The following LUZP2 variants were observed in gnomAD, a reference collection of about 807,000 sequenced individuals.
LUZP2 encodes the protein leucine zipper protein 2.
LUZP2 carries 52 observed loss-of-function variants against 51.6 expected under a neutral mutation model. The observed-to-expected ratio is 1.01, with a 90% CI of 0.81 to 1.27. LUZP2 has a LOEUF of 1.27. LUZP2 is among the 50% of genes most tolerant of loss of function. LUZP2 has a pLI of 0.00. For missense variants in LUZP2, 436 were observed against 395.4 expected (o/e 1.10, Z -0.87); for synonymous variants, 154 against 137.3 (o/e 1.12, Z -0.85).
At chr11:25,020,141 T>C (rs4447132) in intron 9 of LUZP2, among the ~76,000 whole-genome samples, 88,889 of 151,876 alleles carry the variant, frequency 0.59, 27,235 homozygotes, top group African/African-American at 0.77. Flanking sequence ...GAGAATAACT[T>C]CACAGTAACC....
At chr11:24,747,274 A>G (rs553273597) in intron 4 of LUZP2, among the ~76,000 whole-genome samples, 138 of 152,006 alleles carry the variant, frequency 9.1e-4, no homozygotes, top group African/African-American at 3.2e-3. Flanking sequence ...TTTCCTGTGG[A>G]TGTTCATTCC....
chr11:24,770,568 A>G (rs1056488022), intron 5 of LUZP2, among the ~76,000 whole-genome samples: 1 of 151,942 alleles, frequency 6.6e-6, no homozygotes, highest in Admixed American at 6.6e-5. Flanking sequence ...GTCCTTTTAT[A>G]TTTTGTTTTA....
intron 5 of LUZP2, among the ~76,000 whole-genome samples, chr11:24,835,097 G>A (rs1272269622): frequency 6.6e-6 from 1 of 151,994 alleles, no homozygotes; most frequent in African/African-American, 2.4e-5. Flanking sequence ...CATGATACTG[G>A]TACCAAAACA....
intron 1 of LUZP2, among the ~76,000 whole-genome samples, chr11:24,507,100 A>G (rs961080800): frequency 5.9e-5 from 9 of 152,110 alleles, no homozygotes; most frequent in Admixed American, 4.6e-4. Flanking sequence ...CAGGTAATAC[A>G]TGTTCTCAAT....
At chr11:24,972,866 G>A (rs1381591695) in intron 7 of LUZP2, among the ~76,000 whole-genome samples, 1 of 151,950 alleles carries the variant, frequency 6.6e-6, no homozygotes, top group African/African-American at 2.4e-5. Context: ...TGTTCATCAG[G>A]GATATTTGTC....
intron 1 of LUZP2, among the ~76,000 whole-genome samples, chr11:24,519,952 A>G (rs1240384788): frequency 6.6e-6 from 1 of 152,196 alleles, no homozygotes; most frequent in Non-Finnish European, 1.5e-5. Context: ...ACATCAGCAA[A>G]TATTGGTATG....
chr11:24,531,742 T>G (rs1851006463), intron 1 of LUZP2, among the ~76,000 whole-genome samples: 1 of 150,946 alleles, frequency 6.6e-6, no homozygotes, highest in African/African-American at 2.4e-5. Flanking sequence ...CATCTCAACT[T>G]GGATGCCCAA....
At chr11:24,899,048 T>G (rs1414302241) in intron 5 of LUZP2, among the ~76,000 whole-genome samples, 1 of 152,196 alleles carries the variant, frequency 6.6e-6, no homozygotes, top group African/African-American at 2.4e-5. Flanking sequence ...TTTCACTTTA[T>G]CTAAACTAGA....
chr11:24,817,809 C>T (rs1034833588), intron 5 of LUZP2, among the ~76,000 whole-genome samples: 1 of 151,950 alleles, frequency 6.6e-6, no homozygotes, highest in Non-Finnish European at 1.5e-5. Context: ...TTACTAAGTG[C>T]ATCACAATTT....
At chr11:24,865,758 ATG>A (rs1851873772) in intron 5 of LUZP2, among the ~76,000 whole-genome samples, 3 of 139,870 alleles carry the variant, frequency 2.1e-5, no homozygotes, top group South Asian at 2.4e-4. Context: ...ATATATTTAT[ATG>A]TGTATATATA....
chr11:24,926,485 A>G (rs941916061), intron 7 of LUZP2, among the ~76,000 whole-genome samples: 14 of 98,548 alleles, frequency 1.4e-4, no homozygotes, highest in Non-Finnish European at 2.0e-4. Context: ...ATGTGTGTGT[A>G]TATATATGTG....
At chr11:24,776,153 A>G (rs1248727000) in intron 5 of LUZP2, among the ~76,000 whole-genome samples, 1 of 152,224 alleles carries the variant, frequency 6.6e-6, no homozygotes, top group Non-Finnish European at 1.5e-5. Context: ...AAGGTAAGAA[A>G]GGACTCTAAT....
At chr11:24,550,234 A>T (rs1414270227) in intron 1 of LUZP2, among the ~76,000 whole-genome samples, 6 of 152,080 alleles carry the variant, frequency 3.9e-5, no homozygotes, top group Non-Finnish European at 7.4e-5. Flanking sequence ...AATAGAACCT[A>T]CCACATTTAT....
rs1035426842 is a variant in LUZP2 at position 25,039,286 on chromosome 11, C to G, written c.766-10752C>G. 2.6e-5 allele frequency among the ~76,000 whole-genome samples: 4 copies of G among 152,034 alleles called. No individual in the cohort carries two copies. In the East Asian group the frequency reaches 7.7e-4, roughly 29 times the overall value. ...TGGGTTTTGGGTACACTGGGGGATG[C>G]AAAAGGCTTTCAGGCTGCCAAAATG... On this transcript the variant is annotated intron_variant, in intron 9 of 11. Coordinates refer to ENST00000336930, the MANE Select transcript of LUZP2 (RefSeq NM_001009909.4).
At chr11:24,664,091 G>C (rs1345103942) in intron 1 of LUZP2, among the ~76,000 whole-genome samples, 1 of 152,148 alleles carries the variant, frequency 6.6e-6, no homozygotes, top group African/African-American at 2.4e-5. Context: ...TTTTGGAACT[G>C]TGTAACAGAC....
At chr11:24,662,855 G>A (rs1334441616) in intron 1 of LUZP2, among the ~76,000 whole-genome samples, 1 of 151,926 alleles carries the variant, frequency 6.6e-6, no homozygotes, top group Non-Finnish European at 1.5e-5. Flanking sequence ...ATATGCAGTG[G>A]CAAGAAAAAA....
At chr11:24,919,870 A>T (rs1243536057) in intron 7 of LUZP2, among the ~76,000 whole-genome samples, 1 of 151,510 alleles carries the variant, frequency 6.6e-6, no homozygotes, top group Non-Finnish European at 1.5e-5. Context: ...TAATAACAAG[A>T]GAAATGTTGA....
At chr11:25,048,972 A>T in intron 9 of LUZP2, among the ~76,000 whole-genome samples, 1 of 151,822 alleles carries the variant, frequency 6.6e-6, no homozygotes, top group Non-Finnish European at 1.5e-5. Flanking sequence ...TCTTTTTTAC[A>T]TTTAATATTC....
At chr11:24,628,591 C>T (rs939396906) in intron 1 of LUZP2, among the ~76,000 whole-genome samples, 2 of 152,054 alleles carry the variant, frequency 1.3e-5, no homozygotes, top group African/African-American at 2.4e-5. Flanking sequence ...GATGGAGTCT[C>T]GCTCTCTCCC....
Sources: gnomAD v4.1 joint callset for allele counts (sites outside exome capture counted in the v4.1 genomes callset) on GRCh38, gnomAD v4.1.1 for gene constraint, MANE v1.5 for transcripts, NCBI Gene and HGNC (gene_info 2026-07-23, HGNC 2026-07-21) for gene names.